CSMD1: variants seen among roughly 807,000 people sequenced by gnomAD.
The protein encoded by CSMD1 is CUB and Sushi multiple domains 1.
In CSMD1, 213 loss-of-function variants were observed where a neutral mutation model predicts 417.5. That is an observed-to-expected ratio of 0.51 (90% CI 0.46 to 0.57). The LOEUF (loss-of-function observed/expected upper bound fraction) is 0.57, where lower values mean the gene tolerates loss of function less well. Ranked by LOEUF, CSMD1 falls within the 20% of genes least tolerant of loss-of-function variation. The pLI, the probability that CSMD1 is intolerant of heterozygous loss-of-function variation, is 0.00. For missense variants in CSMD1, 6,923 were observed against 4,529.7 expected (o/e 1.53, Z -15.17); for synonymous variants, 2,862 against 1,736.8 (o/e 1.65, Z -16.11).
chr8:4,933,041 T>C (rs1807350393), intron 1 of CSMD1, among the ~76,000 whole-genome samples: 1 of 152,252 alleles, frequency 6.6e-6, no homozygotes. Flanking sequence ...ATTTTCTTTT[T>C]AACTTCAAGG....
chr8:3,459,375 C>A (rs776117249), intron 12 of CSMD1, among the ~76,000 whole-genome samples: 6 of 152,130 alleles, frequency 3.9e-5, no homozygotes, highest in Non-Finnish European at 8.8e-5. Context: ...GGGAATCGCA[C>A]GGTGGATCCT....
intron 7 of CSMD1, among the ~76,000 whole-genome samples, chr8:3,649,657 A>T (rs536181048): frequency 8.6e-4 from 131 of 152,308 alleles, no homozygotes; most frequent in African/African-American, 3.1e-3. Context: ...CACCCCCATG[A>T]TTCCATTACC....
chr8:4,149,388 C>T (rs1304320704), intron 3 of CSMD1, among the ~76,000 whole-genome samples: 1 of 152,102 alleles, frequency 6.6e-6, no homozygotes, highest in Non-Finnish European at 1.5e-5. Flanking sequence ...ACCAATATAT[C>T]TTAGGTGGTA....
intron 3 of CSMD1, among the ~76,000 whole-genome samples, chr8:4,258,550 G>A (rs558776107): frequency 3.4e-5 from 5 of 146,772 alleles, no homozygotes; most frequent in African/African-American, 1.0e-4. Flanking sequence ...GTGGAACAAT[G>A]GAGGGAGGGA....
At chr8:4,391,154 G>A (rs555746772) in intron 3 of CSMD1, among the ~76,000 whole-genome samples, 1 of 152,136 alleles carries the variant, frequency 6.6e-6, no homozygotes, top group East Asian at 1.9e-4. Context: ...CTGTGCTCAG[G>A]CAAGTATGGC....
chr8:4,434,355 G>A (rs1217648), intron 2 of CSMD1, among the ~76,000 whole-genome samples: 42,827 of 151,988 alleles, frequency 0.28, 7,412 homozygotes, highest in African/African-American at 0.49. Flanking sequence ...AACAGCATGA[G>A]ACTGTCTCTA....
At chr8:4,462,819 T>G (rs1056897256) in intron 2 of CSMD1, among the ~76,000 whole-genome samples, 1 of 151,928 alleles carries the variant, frequency 6.6e-6, no homozygotes, top group Non-Finnish European at 1.5e-5. Flanking sequence ...ACAAAAAAAT[T>G]GATAAATCAT....
intron 8 of CSMD1, among the ~76,000 whole-genome samples, chr8:3,597,273 G>A (rs112480279): frequency 6.6e-6 from 1 of 152,116 alleles, no homozygotes; most frequent in East Asian, 1.9e-4. Context: ...GTGAGACAGA[G>A]CATCTCCCTG....
chr8:2,947,319 C>T (rs1802315166), intron 68 of CSMD1, among the ~76,000 whole-genome samples: 1 of 152,074 alleles, frequency 6.6e-6, no homozygotes, highest in African/African-American at 2.4e-5. Context: ...TATCTACTGA[C>T]TAGAGAAAAT....
intron 1 of CSMD1, among the ~76,000 whole-genome samples, chr8:4,836,176 G>A (rs761005839): frequency 2.9e-4 from 44 of 152,124 alleles, no homozygotes; most frequent in Non-Finnish European, 5.4e-4. Flanking sequence ...TATTTAAATC[G>A]TTAATTGTGA....
chr8:4,720,537 C>T (rs1437908577), intron 1 of CSMD1, among the ~76,000 whole-genome samples: 3 of 152,080 alleles, frequency 2.0e-5, no homozygotes, highest in Admixed American at 1.3e-4. Flanking sequence ...CCTGCCTCAG[C>T]CCCCTGAATA....
intron 4 of CSMD1, among the ~76,000 whole-genome samples, chr8:4,006,904 T>A (rs1185318557): frequency 7.2e-6 from 1 of 138,490 alleles, no homozygotes; most frequent in Non-Finnish European, 1.5e-5. Flanking sequence ...CTCGGCTCAC[T>A]GCAAGCTCCG....
At chr8:3,452,396 G>A (rs976086272) in intron 12 of CSMD1, among the ~76,000 whole-genome samples, 1 of 152,202 alleles carries the variant, frequency 6.6e-6, no homozygotes, top group Admixed American at 6.5e-5. Context: ...TCTTGTGCCA[G>A]TTTTGAAAGG....
In CSMD1 at chr8:3,919,134, C is replaced by T. The variant is rs951203209; in HGVS notation, c.818+78769G>A. 5.1e-5 allele frequency among the ~76,000 whole-genome samples: 7 copies of T among 136,318 alleles called. No homozygotes were observed. In the South Asian group the frequency reaches 9.1e-4, roughly 18 times the overall value. The allele number at this position is 136,318 out of a possible 152,430, so 89.4% of individuals were successfully genotyped here. A position where few individuals can be genotyped will look rare whatever the true frequency, so the allele number is the denominator to read the frequency against. On this transcript the variant is annotated intron_variant, in intron 5 of 69. Coordinates refer to ENST00000635120, the MANE Select transcript of CSMD1 (RefSeq NM_033225.6). ...GCTGTGCAGAAGATTCTGTGTTTGA[C>T]GTAGTCCCACTTCTTTTGATTTGGT...
chr8:3,384,932 A>G (rs1351757113), intron 18 of CSMD1, among the ~76,000 whole-genome samples: 1 of 109,530 alleles, frequency 9.1e-6, no homozygotes, highest in Non-Finnish European at 1.7e-5. Context: ...ATGCTAATAT[A>G]ATATATAATA....
chr8:4,327,563 C>A (rs915788234), intron 3 of CSMD1, among the ~76,000 whole-genome samples: 4 of 151,994 alleles, frequency 2.6e-5, no homozygotes, highest in Admixed American at 6.6e-5. Context: ...TCCTGTGGGG[C>A]GCTCATCACT....
chr8:3,310,759 G>T (rs188379290), intron 23 of CSMD1, among the ~76,000 whole-genome samples: 1 of 151,552 alleles, frequency 6.6e-6, no homozygotes, highest in South Asian at 2.1e-4. Flanking sequence ...ACAAAGCTGT[G>T]AATGGCAGCG....
At chr8:3,856,206 G>C (rs146817705) in intron 5 of CSMD1, among the ~76,000 whole-genome samples, 5 of 152,030 alleles carry the variant, frequency 3.3e-5, no homozygotes, top group South Asian at 2.1e-4. Context: ...TCTCATGATA[G>C]AGTTCTCATA....
intron 50 of CSMD1, among the ~76,000 whole-genome samples, chr8:3,040,628 C>T (rs11996637): frequency 1.3e-5 from 2 of 151,714 alleles, no homozygotes; most frequent in Admixed American, 6.6e-5. Context: ...CATGATGAAA[C>T]CCCGTCTCTA....
Sources: gnomAD v4.1 joint callset for allele counts (sites outside exome capture counted in the v4.1 genomes callset) on GRCh38, gnomAD v4.1.1 for gene constraint, MANE v1.5 for transcripts, NCBI Gene and HGNC (gene_info 2026-07-23, HGNC 2026-07-21) for gene names.